POFUT2: variants seen among roughly 807,000 people sequenced by gnomAD.
The protein encoded by POFUT2 is protein O-fucosyltransferase 2, also known as GDP-fucose protein O-fucosyltransferase 2.
POFUT2 carries 30 observed loss-of-function variants against 55.0 expected under a neutral mutation model. The observed-to-expected ratio is 0.55, with a 90% CI of 0.41 to 0.74. The LOEUF (loss-of-function observed/expected upper bound fraction) is 0.74. Ranked by LOEUF, POFUT2 falls within the 30% of genes least tolerant of loss-of-function variation. The probability of loss-of-function intolerance (pLI) is 0.00; values close to 1 mark genes in which losing one functional copy is unlikely to be tolerated. For missense variants in POFUT2, 524 were observed against 562.6 expected (o/e 0.93, Z 0.69); for synonymous variants, 267 against 231.1 (o/e 1.16, Z -1.41).
intron 6 of POFUT2, among the ~76,000 whole-genome samples, chr21:45,275,065 G>A (rs912544721): frequency 2.0e-5 from 3 of 152,128 alleles, no homozygotes; most frequent in African/African-American, 7.2e-5. Flanking sequence ...ACAAGGAAAT[G>A]AAACAGATCA....
chr21:45,267,758 A>G lies in POFUT2; in HGVS notation c.1013-45T>C. ...ACCCTTTGAACCGGGATCCTCCAGT[A>G]AGGACAGATACGTGACTCTTTAGCA... On this transcript the variant is annotated intron_variant, in intron 7 of 8. Coordinates refer to ENST00000349485, the MANE Select transcript of POFUT2 (RefSeq NM_133635.6). The surrounding 1 kb of genome is among the most constrained non-coding windows in gnomAD (Gnocchi z 4.4). The G allele has an allele frequency of 6.4e-7, 1 of 1,552,832 alleles. No homozygotes were observed. The highest frequency in any genetic ancestry group is 1.1e-5 in the South Asian group (1 of 88,936).
intron 4 of POFUT2, among the ~76,000 whole-genome samples, chr21:45,279,560 C>T (rs183515619): frequency 6.6e-6 from 1 of 152,334 alleles, no homozygotes; most frequent in Non-Finnish European, 1.5e-5. Flanking sequence ...AAGGATTCCA[C>T]ATTTTGCTAC....
Position 45,269,725 on chromosome 21 carries a change from A to G in POFUT2, c.1012+114T>C, listed in dbSNP as rs570258058. 189 of 961,966 alleles carry G rather than the reference A, an allele frequency of 2.0e-4. 2 individuals are homozygous for G. In the African/African-American group the frequency reaches 2.2e-3, roughly 11 times the overall value. 59.6% of individuals were successfully genotyped at this position (961,966 alleles called of 1,614,324 possible). ...TTGTTTATCTGCTGACCTTCCCTCC[A>G]CTATTGTTCCATGACCCTGCCAAAA... On this transcript the variant is annotated intron_variant, in intron 7 of 8. Coordinates refer to ENST00000349485, the MANE Select transcript of POFUT2 (RefSeq NM_133635.6).
In POFUT2 at chr21:45,269,883, T is replaced by C. The variant is rs1240797028; in HGVS notation, c.968A>G (p.His323Arg). ...VRKIRSLMKT[H>R]RLDKVFVATD... is the part of the protein sequence containing the mutation. Reference sequence around the variant, plus strand: ...GGCCACAAACACCTTGTCCAGCCGGTGGGTCTTCATGAGGCTGCGGATCTT... The same window carrying C: ...GGCCACAAACACCTTGTCCAGCCGGCGGGTCTTCATGAGGCTGCGGATCTT... Residue 323 changes from histidine to arginine, a missense_variant, in exon 7 of 9, where the codon CAC becomes CGC. Physicochemically the swap from His to Arg is conservative, Grantham distance 29. Around this residue, in one of 2 missense-constraint regions of POFUT2, gnomAD observed 250 missense variants for 318.2 expected, o/e 0.79. Transcript: ENST00000349485. 6.2e-7 allele frequency: 1 copy of C among 1,611,272 alleles called. No homozygotes were observed. Among genetic ancestry groups the C allele is most frequent in the East Asian group, 2.2e-5 (1 of 44,736 alleles).
intron 6 of POFUT2, among the ~76,000 whole-genome samples, chr21:45,274,069 A>C (rs1328551245): frequency 6.6e-6 from 1 of 152,178 alleles, no homozygotes; most frequent in Non-Finnish European, 1.5e-5. Context: ...GGAAACCCTA[A>C]AGACTCATCC....
intron 6 of POFUT2, 123 bp downstream of exon 6, chr21:45,276,894 G>A (rs905623019): frequency 7.5e-6 from 8 of 1,059,650 alleles, no homozygotes; most frequent in African/African-American, 3.1e-5. Flanking sequence ...CCAGAGAGGC[G>A]CCGAGGCATC....
rs150675330 is a variant in POFUT2 at position 45,273,057 on chromosome 21, T to C, written c.832-3038A>G. ...AAGATGAGAGCAGAACTAAATGAAATTGAAATGAACAGACAAAAAAATACA... is the reference window on the plus strand; with the variant it reads ...AAGATGAGAGCAGAACTAAATGAAACTGAAATGAACAGACAAAAAAATACA... On this transcript the variant is annotated intron_variant, in intron 6 of 8. Transcript: ENST00000349485. 1.0e-3 allele frequency among the ~76,000 whole-genome samples: 158 copies of C among 150,580 alleles called. 1 individual carries two copies. The highest frequency in any genetic ancestry group is 3.7e-3 in the African/African-American group (154 of 41,110).
intron 7 of POFUT2, 35 bp downstream of exon 7, chr21:45,269,799 TAAAAG>T (rs771363496): frequency 1.9e-6 from 3 of 1,559,410 alleles, no homozygotes; most frequent in Non-Finnish European, 2.6e-6. Flanking sequence ...AAAAATAAAT[TAAAAG>T]AAAGGAAAGA....
intron 6 of POFUT2, among the ~76,000 whole-genome samples, chr21:45,274,304 G>T (rs978733037): frequency 6.6e-6 from 1 of 152,142 alleles, no homozygotes; most frequent in Non-Finnish European, 1.5e-5. Context: ...ACTGCTGAAA[G>T]AATTCATAGA....
chr21:45,276,295 AT>A (rs1569224298), intron 6 of POFUT2, among the ~76,000 whole-genome samples: 2 of 152,024 alleles, frequency 1.3e-5, no homozygotes, highest in African/African-American at 2.4e-5. Flanking sequence ...ATGAAAAAAA[AT>A]CTTCTATATT....
In POFUT2 at chr21:45,265,997, T is replaced by C; in HGVS notation, c.1137-362A>G. On this transcript the variant is annotated intron_variant, in intron 8 of 8. Coordinates refer to ENST00000349485, the MANE Select transcript of POFUT2 (RefSeq NM_133635.6). This position sits in a 1 kb window ranked among gnomAD's most constrained non-coding sequence, Gnocchi z 4.6. Reference sequence around the variant, plus strand: ...CGAATACCTCCTGGGGGTCACATGGTGAACAATGAGAGATTCCTACTAACC... The same window carrying C: ...CGAATACCTCCTGGGGGTCACATGGCGAACAATGAGAGATTCCTACTAACC... The C allele has an allele frequency of 8.3e-7, 1 of 1,209,190 alleles. No individual in the cohort carries two copies. Among genetic ancestry groups the C allele is most frequent in the South Asian group, 1.5e-5 (1 of 66,150 alleles). The allele number at this position is 1,209,190 out of a possible 1,614,324, so 74.9% of individuals were successfully genotyped here.
chr21:45,283,310 G>GC (rs1181243011), intron 3 of POFUT2, 73 bp downstream of exon 3: 4 of 437,656 alleles, frequency 9.1e-6, no homozygotes, highest in Admixed American at 1.1e-4. Context: ...GCCTGAGGCG[G>GC]GGGGGGGGGG....
intron 2 of POFUT2, 49 bp from the exon 3 acceptor site, chr21:45,283,576 CACTT>C (rs770083545): frequency 6.3e-7 from 1 of 1,595,218 alleles, no homozygotes; most frequent in Non-Finnish European, 8.6e-7. Flanking sequence ...ATCAGAAGCT[CACTT>C]ACGGGCATGC....
rs752560481 is a variant in POFUT2 at position 45,287,796 on chromosome 21, ACTC to A, written c.73_75del (p.Glu25del). Reference sequence around the variant, plus strand: ...TCGGCCGCCGATTGTCCGGGCCAGAACTCCTGGCCGGAGGCAGAAGCCGGAGGC... The same window carrying A: ...TCGGCCGCCGATTGTCCGGGCCAGAACTGGCCGGAGGCAGAAGCCGGAGGC... On this transcript the variant is annotated inframe_deletion, in exon 1 of 9. Transcript: ENST00000349485. The A allele has an allele frequency of 2.0e-6, 3 of 1,499,606 alleles. No homozygotes were observed. The highest frequency in any genetic ancestry group is 2.7e-6 in the Non-Finnish European group (3 of 1,119,396). 92.9% of individuals were successfully genotyped at this position (1,499,606 alleles called of 1,614,324 possible).
At chr21:45,273,941 C>T (rs1602179599) in intron 6 of POFUT2, among the ~76,000 whole-genome samples, 1 of 152,266 alleles carries the variant, frequency 6.6e-6, no homozygotes, top group East Asian at 1.9e-4. Flanking sequence ...TTCTATTCAA[C>T]ATAGTACTAG....
Position 45,282,918 on chromosome 21 carries a change from G to T in POFUT2, c.528-459C>A, listed in dbSNP as rs746030875. 1.9e-5 allele frequency: 9 copies of T among 473,760 alleles called. No individual in the cohort carries two copies. Among genetic ancestry groups the T allele is most frequent in the African/African-American group, 4.0e-5 (2 of 50,192 alleles). The allele number at this position is 473,760 out of a possible 1,614,324, so 29.3% of individuals were successfully genotyped here. On this transcript the variant is annotated intron_variant, in intron 3 of 8. Transcript: ENST00000349485. This position sits in a 1 kb window ranked among gnomAD's most constrained non-coding sequence, Gnocchi z 4.6. ...AGCCTTTAATGGCAATCGACACTTGGGACTGACAAGACCTCCATCCCTGTG... is the reference window on the plus strand; with the variant it reads ...AGCCTTTAATGGCAATCGACACTTGTGACTGACAAGACCTCCATCCCTGTG...
At chr21:45,287,700 G>C in intron 1 of POFUT2, 41 bp downstream of exon 1, 1 of 1,314,182 alleles carries the variant, frequency 7.6e-7, no homozygotes, top group Middle Eastern at 2.1e-4. Context: ...ACCCTGCCCG[G>C]TCCTGGAACC....
At chr21:45,287,216 C>CCCCTGT (rs2031522612) in intron 1 of POFUT2, among the ~76,000 whole-genome samples, 2 of 128,730 alleles carry the variant, frequency 1.6e-5, no homozygotes, top group African/African-American at 6.0e-5. Context: ...CCTGCCCCTG[C>CCCCTGT]CCCTGTCCCG....
Position 45,285,626 on chromosome 21 carries a change from G to C in POFUT2, c.382+52C>G, listed in dbSNP as rs1362099072. 5 of 1,610,000 alleles carry C rather than the reference G, an allele frequency of 3.1e-6. No individual in the cohort carries two copies. Among genetic ancestry groups the C allele is most frequent in the Non-Finnish European group, 4.2e-6 (5 of 1,178,864 alleles). ...CCTGATGTCTACCTTAGAAATGACT[G>C]CCTGGCCCCAGTTAAGCAACCACGG... is the stretch of plus-strand genomic sequence containing the variant. On this transcript the variant is annotated intron_variant, in intron 2 of 8. Transcript: ENST00000349485. This position sits in a 1 kb window ranked among gnomAD's most constrained non-coding sequence, Gnocchi z 4.9.
Sources: allele counts gnomAD v4.1 joint callset (sites outside exome capture counted in the v4.1 genomes callset), GRCh38; gene constraint gnomAD v4.1.1; regional missense constraint gnomAD v4.1.1; non-coding constraint Gnocchi (gnomAD v3.1); transcripts MANE v1.5; gene names NCBI Gene and HGNC (gene_info 2026-07-23, HGNC 2026-07-21).